The following HECW1 variants were observed in gnomAD, a reference collection of about 807,000 sequenced individuals.
HECW1 encodes the protein HECT, C2 and WW domain containing E3 ubiquitin protein ligase 1, also known as E3 ubiquitin-protein ligase HECW1.
A neutral mutation model predicts 182.3 loss-of-function variants in HECW1; 61 were observed. The ratio of observed to expected loss-of-function variants is 0.33; its 90% CI spans 0.27 to 0.41. The LOEUF (loss-of-function observed/expected upper bound fraction) is 0.41, where lower values mean the gene tolerates loss of function less well. HECW1 is among the 10% of genes least tolerant of loss of function. HECW1 has a pLI of 1.00. For missense variants in HECW1, 1,739 were observed against 2,108.9 expected (o/e 0.82, Z 3.44); for synonymous variants, 859 against 832.6 (o/e 1.03, Z -0.55).
chr7:43,548,244 CT>C (rs34462638), intron 26 of HECW1, among the ~76,000 whole-genome samples: 36 of 151,310 alleles, frequency 2.4e-4, no homozygotes, highest in Non-Finnish European at 1.3e-4. Context: ...ACATTTCTAA[CT>C]TTTTTTTTCA....
intron 2 of HECW1, among the ~76,000 whole-genome samples, chr7:43,143,955 G>C (rs1015180215): frequency 1.3e-5 from 2 of 152,176 alleles, no homozygotes; most frequent in Non-Finnish European, 2.9e-5. Flanking sequence ...GTGTTTGTCA[G>C]CCAATGGCCA....
chr7:43,123,806 T>A (rs1462276093), intron 2 of HECW1, among the ~76,000 whole-genome samples: 3 of 152,150 alleles, frequency 2.0e-5, no homozygotes, highest in Non-Finnish European at 4.4e-5. Flanking sequence ...GGGTGGGCTG[T>A]GGGCTGGGAG....
intron 3 of HECW1, among the ~76,000 whole-genome samples, chr7:43,275,683 C>G (rs1803029325): frequency 6.6e-6 from 1 of 152,092 alleles, no homozygotes; most frequent in Non-Finnish European, 1.5e-5. Context: ...TATTTACTCA[C>G]CAAGTAGTCT....
At chr7:43,251,683 C>T (rs527913268) in intron 3 of HECW1, among the ~76,000 whole-genome samples, 4 of 152,166 alleles carry the variant, frequency 2.6e-5, no homozygotes, top group African/African-American at 4.8e-5. Context: ...TTTGGAGTTA[C>T]GGGTTCATTA....
intron 3 of HECW1, among the ~76,000 whole-genome samples, chr7:43,271,054 G>C (rs144787680): frequency 6.6e-6 from 1 of 152,140 alleles, no homozygotes; most frequent in Non-Finnish European, 1.5e-5. Flanking sequence ...CAGGTTTAAT[G>C]CAAATCTAAA....
At chr7:43,393,276 A>G (rs912198475) in intron 6 of HECW1, among the ~76,000 whole-genome samples, 1 of 152,188 alleles carries the variant, frequency 6.6e-6, no homozygotes, top group African/African-American at 2.4e-5. Flanking sequence ...AGCCCTGAGA[A>G]GACCAGCCAT....
chr7:43,134,257 G>A (rs946852685), intron 2 of HECW1, among the ~76,000 whole-genome samples: 5 of 151,816 alleles, frequency 3.3e-5, no homozygotes, highest in Non-Finnish European at 7.4e-5. Flanking sequence ...AGCCGGGCGT[G>A]GTGGTGCATG....
chr7:43,477,022 G>A (rs2078241716), intron 16 of HECW1, among the ~76,000 whole-genome samples: 1 of 152,072 alleles, frequency 6.6e-6, no homozygotes, highest in Non-Finnish European at 1.5e-5. Flanking sequence ...GACAACAATA[G>A]CAAAAAAGGG....
At chr7:43,235,435 G>A (rs948461218) in intron 2 of HECW1, among the ~76,000 whole-genome samples, 10 of 152,176 alleles carry the variant, frequency 6.6e-5, no homozygotes, top group South Asian at 4.1e-4. Flanking sequence ...TTAAAACTGC[G>A]GAATAAGAGA....
Position 43,115,521 on chromosome 7 carries a change from A to G in HECW1, c.-32+1130A>G, listed in dbSNP as rs185394059. On this transcript the variant is annotated intron_variant, in intron 2 of 29. Transcript: ENST00000395891. ...TGTTTCATCCTATGCAGTAATTGAC[A>G]ATGGCATGAGACTTACTTTCTCTGA... is the stretch of plus-strand genomic sequence containing the variant. Among the ~76,000 whole-genome samples, 289 of 152,288 alleles carry G rather than the reference A, an allele frequency of 1.9e-3. 1 individual carries two copies. Among genetic ancestry groups the G allele is most frequent in the African/African-American group, 6.7e-3 (277 of 41,546 alleles).
chr7:43,313,263 G>GA (rs972973343), intron 4 of HECW1, among the ~76,000 whole-genome samples: 2 of 150,368 alleles, frequency 1.3e-5, no homozygotes, highest in Non-Finnish European at 3.0e-5. Flanking sequence ...ATTTATTTCT[G>GA]AAAAAAAATT....
At chr7:43,218,224 G>T (rs1034283766) in intron 2 of HECW1, among the ~76,000 whole-genome samples, 4 of 152,160 alleles carry the variant, frequency 2.6e-5, no homozygotes, top group Non-Finnish European at 5.9e-5. Context: ...TTTAGATCAC[G>T]GATTGAATTG....
At chr7:43,367,924 C>T (rs1364810909) in intron 6 of HECW1, among the ~76,000 whole-genome samples, 1 of 152,160 alleles carries the variant, frequency 6.6e-6, no homozygotes, top group Non-Finnish European at 1.5e-5. Flanking sequence ...ATCTTCTTTT[C>T]CCAGAACCTG....
Position 43,192,610 on chromosome 7 carries a change from G to A in HECW1, c.-31-51265G>A, listed in dbSNP as rs139642778. 4.9e-3 allele frequency among the ~76,000 whole-genome samples: 738 copies of A among 151,986 alleles called. 9 individuals carry two copies. The highest frequency in any genetic ancestry group is 0.014 in the Middle Eastern group (4 of 294). On this transcript the variant is annotated intron_variant, in intron 2 of 29. Coordinates refer to ENST00000395891, the MANE Select transcript of HECW1 (RefSeq NM_015052.5). ...TCTCCTAATTATATTAATAACTTAC[G>A]CGTGCTTATTTTAAGACATTGGAAA...
rs368244752 is a variant in HECW1, at chr7:43,311,959, C to T, written c.224C>T (p.Ser75Leu). ...RSTSDTDLVT[S>L]DSRSTLMVSS... ...ACCAGCGACACTGACCTGGTCACCT[C>T]GGACAGCCGCTCCACGCTCATGGTC... is the stretch of plus-strand genomic sequence containing the variant. Residue 75 changes from serine (S) to leucine (L), a missense_variant, in exon 4 of 30, where the codon TCG (serine) becomes TTG (leucine). Physicochemically the swap from Ser to Leu is moderately radical, Grantham distance 145. This residue lies in a region of HECW1 where 279 missense variants were observed against 353.1 expected (regional missense o/e 0.79). Coordinates refer to ENST00000395891, the MANE Select transcript of HECW1 (RefSeq NM_015052.5). 115 of 1,614,022 alleles carry T rather than the reference C, an allele frequency of 7.1e-5. No individual in the cohort carries two copies. The highest frequency in any genetic ancestry group is 9.5e-5 in the Non-Finnish European group (112 of 1,179,970).
intron 8 of HECW1, among the ~76,000 whole-genome samples, chr7:43,418,653 C>A (rs567931164): frequency 1.1e-4 from 16 of 151,672 alleles, no homozygotes; most frequent in South Asian, 8.3e-4. Context: ...TTTAAGATTG[C>A]CATTTGGTTT....
intron 2 of HECW1, among the ~76,000 whole-genome samples, chr7:43,116,710 C>G (rs1459526954): frequency 6.6e-6 from 1 of 152,214 alleles, no homozygotes; most frequent in African/African-American, 2.4e-5. Flanking sequence ...CACATGTCCT[C>G]TCTGTAAAAC....
chr7:43,295,568 G>A (rs1450959796), intron 3 of HECW1, among the ~76,000 whole-genome samples: 1 of 152,186 alleles, frequency 6.6e-6, no homozygotes, highest in Non-Finnish European at 1.5e-5. Context: ...GTTGGAGGGA[G>A]ACTTTCCCTA....
At chr7:43,165,495 A>G (rs1483830101) in intron 2 of HECW1, among the ~76,000 whole-genome samples, 3 of 152,160 alleles carry the variant, frequency 2.0e-5, no homozygotes, top group Admixed American at 2.0e-4. Flanking sequence ...AATTCAATCA[A>G]TTATCCGTGA....
Sources: gnomAD v4.1 joint callset for allele counts (sites outside exome capture counted in the v4.1 genomes callset) on GRCh38, gnomAD v4.1.1 for gene constraint, gnomAD v4.1.1 regional missense constraint, MANE v1.5 for transcripts, NCBI Gene and HGNC (gene_info 2026-07-23, HGNC 2026-07-21) for gene names.